The following GALNT17 variants were observed in gnomAD, a reference collection of about 807,000 sequenced individuals.
The protein encoded by GALNT17 is polypeptide N-acetylgalactosaminyltransferase 17, also known as UDP-GalNAc:polypeptide N-acetylgalactosaminyltransferase-like 3.
Under a neutral mutation model 63.7 loss-of-function variants are expected in GALNT17, and 29 were observed. The observed-to-expected ratio is 0.46, with a 90% CI of 0.34 to 0.62. The LOEUF (loss-of-function observed/expected upper bound fraction) is 0.62. GALNT17 is among the 20% of genes least tolerant of loss of function. The pLI, the probability that GALNT17 is intolerant of heterozygous loss-of-function variation, is 0.01. For missense variants in GALNT17, 603 were observed against 799.6 expected, an observed-to-expected ratio of 0.75 and a Z score of 2.97; for synonymous variants, 305 against 318.3, an observed-to-expected ratio of 0.96 and a Z score of 0.45.
chr7:71,195,397 G>A (rs951370183), intron 1 of GALNT17, among the ~76,000 whole-genome samples: 26 of 148,892 alleles, frequency 1.7e-4, no homozygotes, highest in African/African-American at 6.5e-4. Context: ...CAATTTTTTT[G>A]TAGAGATGGG....
At chr7:71,167,432 T>G (rs1788463127) in intron 1 of GALNT17, among the ~76,000 whole-genome samples, 1 of 152,126 alleles carries the variant, frequency 6.6e-6, no homozygotes, top group African/African-American at 2.4e-5. Context: ...CCCATTTTCT[T>G]TTTCTAGTTT....
At position 71,223,532 on chromosome 7, in the gene GALNT17, G is replaced by C. The variant is rs556452049; in HGVS notation, c.238+90492G>C. ...CCCATAATCCCAACTTTTTTTTTTC[G>C]AGCACTTAACTTTTTCTTTTTTAAA... On this transcript the variant is annotated intron_variant, in intron 1 of 10. Transcript: ENST00000333538. Among the ~76,000 whole-genome samples, 28 of 150,110 alleles carry C rather than the reference G, an allele frequency of 1.9e-4. No homozygotes were observed. The South Asian group carries it at 5.9e-3, about 32-fold the overall frequency.
chr7:71,193,066 CATTTATTTATTT>C (rs138751530), intron 1 of GALNT17, among the ~76,000 whole-genome samples: 8,650 of 140,640 alleles, frequency 0.062, 528 homozygotes, highest in African/African-American at 0.17. Flanking sequence ...CATCATCTAC[CATTTATTTATTT>C]ATTTATTTAT....
At chr7:71,347,586 C>G (rs975891010) in intron 2 of GALNT17, among the ~76,000 whole-genome samples, 1 of 151,742 alleles carries the variant, frequency 6.6e-6, no homozygotes, top group Non-Finnish European at 1.5e-5. Flanking sequence ...CTTGCACTTA[C>G]ATGGAAAACT....
At chr7:71,403,388 G>A (rs2116394008) in intron 3 of GALNT17, among the ~76,000 whole-genome samples, 1 of 152,262 alleles carries the variant, frequency 6.6e-6, no homozygotes, top group South Asian at 2.1e-4. Context: ...GGAAGGTCAG[G>A]TGGTTTGGTA....
intron 5 of GALNT17, among the ~76,000 whole-genome samples, chr7:71,482,112 T>TGC (rs1167166061): frequency 6.6e-6 from 1 of 151,122 alleles, no homozygotes; most frequent in Non-Finnish European, 1.5e-5. Flanking sequence ...TGTGTGTGTG[T>TGC]GTATGTATGG....
In GALNT17 at chr7:71,182,688, C is replaced by T. The variant is rs370233118; in HGVS notation, c.238+49648C>T. ...AATTCTTCACAAGCAGACGAGGAGG[C>T]TTTCCAAATGTTACAGCAGATCTTG... On this transcript the variant is annotated intron_variant, in intron 1 of 10. Coordinates refer to ENST00000333538, the MANE Select transcript of GALNT17 (RefSeq NM_022479.3). Among the ~76,000 whole-genome samples, 14 of 152,182 alleles carry T rather than the reference C, an allele frequency of 9.2e-5. No individual in the cohort carries two copies. In the East Asian group the frequency reaches 2.3e-3, roughly 25 times the overall value.
intron 1 of GALNT17, among the ~76,000 whole-genome samples, chr7:71,222,549 C>T (rs1029587459): frequency 3.9e-5 from 6 of 152,056 alleles, no homozygotes; most frequent in African/African-American, 1.4e-4. Flanking sequence ...GCCTCTGCCT[C>T]CCAAAGTGCT....
At chr7:71,376,906 T>C (rs977840645) in intron 2 of GALNT17, among the ~76,000 whole-genome samples, 3 of 150,706 alleles carry the variant, frequency 2.0e-5, no homozygotes, top group African/African-American at 4.9e-5. Flanking sequence ...GCCAACATGG[T>C]GAAACCCCGT....
intron 5 of GALNT17, among the ~76,000 whole-genome samples, chr7:71,570,757 A>T (rs1428086274): frequency 1.3e-5 from 2 of 152,130 alleles, no homozygotes; most frequent in Admixed American, 6.6e-5. Flanking sequence ...AGGTGGGCAG[A>T]TCACCTGAGG....
chr7:71,677,133 C>A, intron 8 of GALNT17, 78 bp from the exon 9 acceptor site: 1 of 1,471,198 alleles, frequency 6.8e-7, no homozygotes, highest in Non-Finnish European at 9.5e-7. Flanking sequence ...TGGAACCAAG[C>A]CATGGTAGAA....
intron 1 of GALNT17, among the ~76,000 whole-genome samples, chr7:71,259,631 G>GTTTTTTTTTTTT (rs1164044325): frequency 7.7e-6 from 1 of 129,802 alleles, no homozygotes; most frequent in African/African-American, 2.8e-5. Flanking sequence ...GTCCTGTTTT[G>GTTTTTTTTTTTT]TTTTTTGTTT....
chr7:71,200,697 T>C (rs968624651), intron 1 of GALNT17, among the ~76,000 whole-genome samples: 3 of 152,188 alleles, frequency 2.0e-5, no homozygotes, highest in Non-Finnish European at 4.4e-5. Flanking sequence ...CATTACATTA[T>C]TTAGTAAATA....
At position 71,691,763 on chromosome 7, in the gene GALNT17, T is replaced by C. The variant is rs567898192; in HGVS notation, c.1500+14457T>C. On this transcript the variant is annotated intron_variant, in intron 9 of 10. Transcript: ENST00000333538. The stretch of plus-strand genomic sequence containing the variant: ...AGATTGAACAATAGAGTGGTAGCCA[T>C]GTCACCAGCTGAGCCTTTCTCCCTT... 2.6e-5 allele frequency among the ~76,000 whole-genome samples: 4 copies of C among 152,310 alleles called. No individual in the cohort carries two copies. The South Asian group carries it at 8.3e-4, about 32-fold the overall frequency.
chr7:71,266,450 T>C (rs1023279610), intron 1 of GALNT17, among the ~76,000 whole-genome samples: 2 of 152,184 alleles, frequency 1.3e-5, no homozygotes, highest in Admixed American at 1.3e-4. Context: ...TGCTCTGCCA[T>C]GGTAAGGCGT....
intron 1 of GALNT17, among the ~76,000 whole-genome samples, chr7:71,139,370 A>G (rs1479238600): frequency 6.6e-6 from 1 of 152,224 alleles, no homozygotes; most frequent in Non-Finnish European, 1.5e-5. Flanking sequence ...CTGTGAGCCC[A>G]GGGCAGCTCT....
Position 71,441,323 on chromosome 7 carries a change from C to T in GALNT17, c.962+20218C>T, listed in dbSNP as rs145634168. ...AGATTGGGAAGTCAATCATGAGTAC[C>T]GATATCAGAGCCTGCAGAGCCTTCT... On this transcript the variant is annotated intron_variant, in intron 5 of 10. Coordinates refer to ENST00000333538, the MANE Select transcript of GALNT17 (RefSeq NM_022479.3). Among the ~76,000 whole-genome samples the T allele has an allele frequency of 1.0e-3, 152 of 152,236 alleles. 1 individual carries two copies. The highest frequency in any genetic ancestry group is 3.3e-3 in the African/African-American group (139 of 41,550).
At chr7:71,290,277 G>A (rs1465837564) in intron 1 of GALNT17, among the ~76,000 whole-genome samples, 1 of 152,178 alleles carries the variant, frequency 6.6e-6, no homozygotes, top group African/African-American at 2.4e-5. Context: ...GTGTGAATGT[G>A]TGTGTCCTCT....
chr7:71,271,958 TATGTTGGCC>T (rs1355886137), intron 1 of GALNT17, among the ~76,000 whole-genome samples: 3 of 152,270 alleles, frequency 2.0e-5, no homozygotes, highest in African/African-American at 7.2e-5. Context: ...GGGGTCTCCC[TATGTTGGCC>T]AGGCTGATCT....
Sources: allele counts gnomAD v4.1 joint callset (sites outside exome capture counted in the v4.1 genomes callset), GRCh38; gene constraint gnomAD v4.1.1; transcripts MANE v1.5; gene names NCBI Gene and HGNC (gene_info 2026-07-23, HGNC 2026-07-21).